SBF2: variants seen among roughly 807,000 people sequenced by gnomAD.
SBF2 encodes myotubularin-related protein 13.
A neutral mutation model predicts 225.2 loss-of-function variants in SBF2; 112 were observed. The ratio of observed to expected loss-of-function variants is 0.50; its 90% confidence interval spans 0.43 to 0.58. SBF2 has a LOEUF of 0.58. Ranked by LOEUF, SBF2 falls within the 20% of genes least tolerant of loss-of-function variation. SBF2 has a pLI of 0.00. For missense variants in SBF2, 1,996 were observed against 2,206.2 expected (o/e 0.90, Z 1.91); for synonymous variants, 763 against 773.3 (o/e 0.99, Z 0.22).
At chr11:9,853,018 C>CA (rs1235092064) in intron 20 of SBF2, among the ~76,000 whole-genome samples, 5 of 152,062 alleles carry the variant, frequency 3.3e-5, no homozygotes, top group Non-Finnish European at 7.4e-5. Context: ...TGTCCATCAA[C>CA]AGATGAATGG....
At chr11:9,818,341 G>A (rs1487619154) in intron 28 of SBF2, among the ~76,000 whole-genome samples, 2 of 152,190 alleles carry the variant, frequency 1.3e-5, no homozygotes, top group Non-Finnish European at 2.9e-5. Flanking sequence ...GAAAAATCAA[G>A]GATTTCTATA....
At chr11:10,091,701 T>C (rs1456084035) in intron 2 of SBF2, among the ~76,000 whole-genome samples, 2 of 152,318 alleles carry the variant, frequency 1.3e-5, no homozygotes, top group East Asian at 3.9e-4. Flanking sequence ...ATTGGCATTA[T>C]GGATATGGCA....
At chr11:10,002,735 T>A (rs369609159) in intron 6 of SBF2, 46 bp from the exon 7 acceptor site, 1 of 1,578,346 alleles carries the variant, frequency 6.3e-7, no homozygotes, top group Admixed American at 1.7e-5. Context: ...TAATTTTATA[T>A]GTGTTGTCAA....
At chr11:10,235,197 A>G (rs1025058276) in intron 1 of SBF2, among the ~76,000 whole-genome samples, 2 of 152,198 alleles carry the variant, frequency 1.3e-5, no homozygotes, top group African/African-American at 4.8e-5. Flanking sequence ...GTATACATCT[A>G]ATTATACTTC....
chr11:10,231,631 T>C (rs1259850455), intron 1 of SBF2, among the ~76,000 whole-genome samples: 1 of 152,212 alleles, frequency 6.6e-6, no homozygotes, highest in Non-Finnish European at 1.5e-5. Context: ...CGGATATTGG[T>C]GAACTGCAAA....
intron 16 of SBF2, chr11:9,959,353 A>G (rs1304023244): frequency 6.4e-6 from 5 of 781,522 alleles, no homozygotes; most frequent in Non-Finnish European, 1.2e-5. Context: ...CAGGGAATCC[A>G]CTGGAAGGCC....
intron 1 of SBF2, among the ~76,000 whole-genome samples, chr11:10,228,947 T>C (rs975945446): frequency 3.9e-5 from 6 of 152,142 alleles, no homozygotes; most frequent in African/African-American, 1.4e-4. Flanking sequence ...CATCTGGTCC[T>C]GGACTTTTTT....
chr11:9,812,552 C>T lies in SBF2; in HGVS notation c.4135G>A (p.Asp1379Asn), dbSNP rs1235302192. The T allele has an allele frequency of 1.2e-6, 2 of 1,614,226 alleles. No individual in the cohort carries two copies. The highest frequency in any genetic ancestry group is 1.7e-6 in the Non-Finnish European group (2 of 1,180,042). The change falls in exon 30 of 40, where the codon GAT becomes AAT. Residue 1379 changes from aspartate to asparagine, a missense_variant. Physicochemically the swap from Asp to Asn is conservative, Grantham distance 23. Transcript: ENST00000256190. ...SEVTFLKALG[D>N]SEWFPQLHRI... The stretch of plus-strand genomic sequence containing the variant: ...ATTACCTGTGGGAACCACTCAGAAT[C>T]TCCCAGCGCTTTCAGGAAGGTCACT...
chr11:10,030,988 G>T, intron 4 of SBF2, 60 bp downstream of exon 4: 2 of 1,420,658 alleles, frequency 1.4e-6, no homozygotes, highest in Non-Finnish European at 9.9e-7. Context: ...TTGTACCATG[G>T]TTCATTCAAG....
At chr11:10,219,726 G>C (rs1172067479) in intron 1 of SBF2, among the ~76,000 whole-genome samples, 1 of 152,130 alleles carries the variant, frequency 6.6e-6, no homozygotes, top group Non-Finnish European at 1.5e-5. Flanking sequence ...CAGACCTCTA[G>C]GGCACGGGCA....
rs1273936817 is a variant in SBF2 at position 10,294,105 on chromosome 11, T to TCGCCGCCCTCGC, written c.-48_-37dup. On this transcript the variant is annotated 5_prime_UTR_variant, in exon 1 of 40. Coordinates refer to ENST00000256190, the MANE Select transcript of SBF2 (RefSeq NM_030962.4). ...GCCGCGCTCGGGAAGCGGGTCCCCGTCGCCGCCCTCGCCGCCGCCGCCCAC... is the reference window on the plus strand; with the variant it reads ...GCCGCGCTCGGGAAGCGGGTCCCCGTCGCCGCCCTCGCCGCCGCCCTCGCCGCCGCCGCCCAC... The TCGCCGCCCTCGC allele has an allele frequency of 7.7e-7, 1 of 1,304,944 alleles. No individual in the cohort carries two copies. The highest frequency in any genetic ancestry group is 9.7e-7 in the Non-Finnish European group (1 of 1,025,830). 80.8% of individuals were successfully genotyped at this position (1,304,944 alleles called of 1,614,324 possible).
At chr11:10,289,293 G>A (rs1486618779) in intron 1 of SBF2, among the ~76,000 whole-genome samples, 4 of 152,196 alleles carry the variant, frequency 2.6e-5, no homozygotes, top group Non-Finnish European at 5.9e-5. Flanking sequence ...CTGCAGCTGT[G>A]TGGGGTGGGG....
chr11:9,873,598 T>C (rs1294488369), intron 17 of SBF2, among the ~76,000 whole-genome samples: 1 of 152,140 alleles, frequency 6.6e-6, no homozygotes, highest in Non-Finnish European at 1.5e-5. Context: ...AGTATCTGCC[T>C]AGGTAGAGGA....
intron 2 of SBF2, among the ~76,000 whole-genome samples, chr11:10,061,470 C>G (rs995843086): frequency 1.3e-5 from 2 of 152,182 alleles, no homozygotes; most frequent in African/African-American, 4.8e-5. Flanking sequence ...GCTCCTTCAG[C>G]TGATAAACAA....
chr11:10,099,097 T>C (rs192331879), intron 2 of SBF2, among the ~76,000 whole-genome samples: 6 of 152,262 alleles, frequency 3.9e-5, no homozygotes, highest in African/African-American at 1.4e-4. Flanking sequence ...GAGAGAGATA[T>C]GGACTTCCAT....
At chr11:9,793,824 C>T (rs1426118236) in intron 33 of SBF2, among the ~76,000 whole-genome samples, 1 of 152,190 alleles carries the variant, frequency 6.6e-6, no homozygotes, top group African/African-American at 2.4e-5. Context: ...TCAGTCAAGT[C>T]TGAGAACCAC....
rs572625433 is a variant in SBF2, at chr11:10,147,652, C to A, written c.141+46250G>T. Among the ~76,000 whole-genome samples the A allele has an allele frequency of 2.6e-5, 4 of 152,152 alleles. No individual in the cohort carries two copies. The South Asian group carries it at 8.3e-4, about 32-fold the overall frequency. On this transcript the variant is annotated intron_variant, in intron 2 of 39. Coordinates refer to ENST00000256190, the MANE Select transcript of SBF2 (RefSeq NM_030962.4). ...TACCTGGGCAATGAAATAATCTGTA[C>A]AAACAAACCCCCGTGACATAAATTT...
At chr11:9,855,706 T>A (rs1312415144) in intron 19 of SBF2, among the ~76,000 whole-genome samples, 1 of 152,042 alleles carries the variant, frequency 6.6e-6, no homozygotes, top group East Asian at 1.9e-4. Context: ...AAAAATGACA[T>A]GAAAGACAAT....
chr11:10,181,583 T>C (rs2135287790), intron 2 of SBF2, among the ~76,000 whole-genome samples: 1 of 152,256 alleles, frequency 6.6e-6, no homozygotes, highest in Admixed American at 6.5e-5. Context: ...TTATAATTAA[T>C]CTATGAAATT....
Sources: allele counts gnomAD v4.1 joint callset (sites outside exome capture counted in the v4.1 genomes callset), GRCh38; gene constraint gnomAD v4.1.1; transcripts MANE v1.5; gene names NCBI Gene and HGNC (gene_info 2026-07-23, HGNC 2026-07-21).